Variants in SOX5 observed in about 807,000 individuals in gnomAD.
SOX5 encodes SRY-box transcription factor 5, also known as transcription factor SOX-5.
SOX5 carries 9 observed loss-of-function variants against 92.0 expected under a neutral mutation model. The ratio of observed to expected loss-of-function variants is 0.10; its 90% CI spans 0.06 to 0.17. The LOEUF is 0.17. SOX5 is among the 10% of genes least tolerant of loss of function. SOX5 has a pLI of 1.00. For synonymous variants in SOX5, 344 were observed against 336.3 expected (o/e 1.02, Z -0.25); for missense variants, 642 against 944.5 (o/e 0.68, Z 4.20).
chr12:24,361,791 T>G (rs1384059421), intron 2 of SOX5, among the ~76,000 whole-genome samples: 2 of 152,258 alleles, frequency 1.3e-5, no homozygotes, highest in South Asian at 2.1e-4. Flanking sequence ...CCATCAGCAC[T>G]AGAATCTCCC....
At chr12:23,602,176 T>G (rs2074592185) in intron 9 of SOX5, among the ~76,000 whole-genome samples, 1 of 152,128 alleles carries the variant, frequency 6.6e-6, no homozygotes, top group Non-Finnish European at 1.5e-5. Flanking sequence ...ACAATCTACT[T>G]TTTCACTTGT....
chr12:23,842,170 G>C (rs1328927951), intron 3 of SOX5, among the ~76,000 whole-genome samples: 1 of 152,080 alleles, frequency 6.6e-6, no homozygotes, highest in Admixed American at 6.6e-5. Flanking sequence ...CTGTTCTCTA[G>C]TTGAGAAAGA....
Position 24,485,955 on chromosome 12 carries a change from T to C in SOX5, c.-251+76374A>G, listed in dbSNP as rs1484971304. ...TCCATATACCTTTCTGTTGTTGTTG[T>C]TGTTGCTGCTGCTGCTGTTGAGACA... On this transcript the variant is annotated intron_variant, in intron 1 of 4. Transcript: ENST00000446891. Among the ~76,000 whole-genome samples the C allele has an allele frequency of 2.0e-5, 3 of 152,294 alleles. No individual in the cohort carries two copies. In the East Asian group the frequency reaches 5.8e-4, roughly 29 times the overall value.
In SOX5 at chr12:24,021,362, C is replaced by G. The variant is rs571934285; in HGVS notation, c.-1-125338G>C. Among the ~76,000 whole-genome samples the G allele has an allele frequency of 8.9e-4, 135 of 152,230 alleles. 1 individual carries two copies. The highest frequency in any genetic ancestry group is 3.1e-3 in the African/African-American group (129 of 41,534). ...ATTTGGGGTTTTCTTCTCTTGGAGA[C>G]TGCACTAAGGTCTAATGTAGGCTGA... On this transcript the variant is annotated intron_variant, in intron 4 of 4. Coordinates refer to the SOX5 transcript ENST00000446891.
At chr12:24,346,078 G>A (rs1016247432) in intron 2 of SOX5, among the ~76,000 whole-genome samples, 11 of 152,276 alleles carry the variant, frequency 7.2e-5, no homozygotes, top group African/African-American at 9.6e-5. Flanking sequence ...ACGTCATCCC[G>A]TTAAGAATGT....
At chr12:23,949,731 C>CCT (rs141363242), upstream of SOX5, 54,311 of 746,832 alleles carry the variant, frequency 0.073, 621 homozygotes, top group Non-Finnish European at 0.086. Context: ...TCCCTCCCTC[C>CCT]CTCTCTCTCT....
intron 4 of SOX5, among the ~76,000 whole-genome samples, chr12:24,144,543 C>G (rs1162041530): frequency 6.6e-6 from 1 of 152,172 alleles, no homozygotes; most frequent in Admixed American, 6.5e-5. Flanking sequence ...CAGCAGCTCA[C>G]ATCTCTAAAC....
intron 4 of SOX5, among the ~76,000 whole-genome samples, chr12:24,125,172 C>T (rs539316654): frequency 6.6e-6 from 1 of 152,084 alleles, no homozygotes; most frequent in Non-Finnish European, 1.5e-5. Flanking sequence ...TTACATAGGC[C>T]AAACTTTCCC....
chr12:24,099,150 ATCTTTTC>A (rs1489689662), intron 4 of SOX5, among the ~76,000 whole-genome samples: 1 of 152,160 alleles, frequency 6.6e-6, no homozygotes, highest in East Asian at 1.9e-4. Flanking sequence ...TCTAAGTTCA[ATCTTTTC>A]TTTCTGTAAT....
chr12:24,084,319 C>G (rs1943709471), intron 4 of SOX5, among the ~76,000 whole-genome samples: 1 of 151,984 alleles, frequency 6.6e-6, no homozygotes, highest in South Asian at 2.1e-4. Context: ...GTGAAACAGT[C>G]TACTGTAGAG....
intron 8 of SOX5, among the ~76,000 whole-genome samples, chr12:23,619,876 A>G (rs2076975468): frequency 6.6e-6 from 1 of 152,162 alleles, no homozygotes; most frequent in Non-Finnish European, 1.5e-5. Flanking sequence ...ATCTTTTATC[A>G]TTCATGCTTT....
chr12:24,456,813 G>C (rs1943069332), intron 1 of SOX5, among the ~76,000 whole-genome samples: 2 of 152,168 alleles, frequency 1.3e-5, no homozygotes, highest in Non-Finnish European at 1.5e-5. Context: ...ATATACCTGT[G>C]AACCTGACTC....
chr12:23,558,900 G>A (rs1402835822), intron 11 of SOX5, among the ~76,000 whole-genome samples: 1 of 152,178 alleles, frequency 6.6e-6, no homozygotes, highest in Non-Finnish European at 1.5e-5. Context: ...ACCGTGCCCG[G>A]CCATGAATCA....
intron 7 of SOX5, among the ~76,000 whole-genome samples, chr12:23,661,835 GTTAC>G (rs1451884542): frequency 6.6e-6 from 1 of 152,036 alleles, no homozygotes; most frequent in African/African-American, 2.4e-5. Flanking sequence ...TGAAACTTTA[GTTAC>G]TTAGTTGTTC....
intron 4 of SOX5, among the ~76,000 whole-genome samples, chr12:24,043,150 A>C (rs896061081): frequency 6.6e-6 from 1 of 152,190 alleles, no homozygotes; most frequent in African/African-American, 2.4e-5. Flanking sequence ...CTGGTTCATA[A>C]ATTTCCTGTA....
intron 3 of SOX5, among the ~76,000 whole-genome samples, chr12:23,792,836 A>C (rs2095501280): frequency 6.6e-6 from 1 of 151,976 alleles, no homozygotes; most frequent in South Asian, 2.1e-4. Context: ...CTTTTCAAAA[A>C]ATATTTTACT....
At chr12:24,463,932 A>G (rs1943930708) in intron 1 of SOX5, among the ~76,000 whole-genome samples, 1 of 152,190 alleles carries the variant, frequency 6.6e-6, no homozygotes, top group Non-Finnish European at 1.5e-5. Flanking sequence ...CTTCTCTTTG[A>G]ATTGGCTTCC....
chr12:24,346,922 A>G (rs964729133), intron 2 of SOX5, among the ~76,000 whole-genome samples: 2 of 152,148 alleles, frequency 1.3e-5, no homozygotes, highest in Admixed American at 6.5e-5. Flanking sequence ...AGATATACCT[A>G]ATGTAAATGA....
At chr12:24,326,051 C>A (rs569774568) in intron 2 of SOX5, among the ~76,000 whole-genome samples, 1 of 152,266 alleles carries the variant, frequency 6.6e-6, no homozygotes, top group African/African-American at 2.4e-5. Flanking sequence ...TCTCTCAGGG[C>A]CCAAGTTTCA....
Sources: allele counts gnomAD v4.1 joint callset (sites outside exome capture counted in the v4.1 genomes callset), GRCh38; gene constraint gnomAD v4.1.1; transcripts MANE v1.5; gene names NCBI Gene and HGNC (gene_info 2026-07-23, HGNC 2026-07-21).